The following LPP variants were observed in gnomAD, a reference collection of about 807,000 sequenced individuals.
LPP encodes LIM domain containing preferred translocation partner in lipoma.
LPP carries 38 observed loss-of-function variants against 60.4 expected under a neutral mutation model. The ratio of observed to expected loss-of-function variants is 0.63; its 90% CI spans 0.49 to 0.83. LPP has a LOEUF of 0.83. LPP is among the 40% of genes least tolerant of loss of function. The pLI, the probability that LPP is intolerant of heterozygous loss-of-function variation, is 0.00. For synonymous variants in LPP, 328 were observed against 290.8 expected (o/e 1.13, Z -1.30); for missense variants, 902 against 783.6 (o/e 1.15, Z -1.80).
At chr3:188,627,935 A>G (rs1447964256) in intron 7 of LPP, among the ~76,000 whole-genome samples, 1 of 152,158 alleles carries the variant, frequency 6.6e-6, no homozygotes, top group Non-Finnish European at 1.5e-5. Context: ...ACAGTGCAAT[A>G]AAAATATAAA....
Position 188,687,775 on chromosome 3 carries a change from C to CTTTTTTTT in LPP, c.1114-20482_1114-20475dup, listed in dbSNP as rs61574227. On this transcript the variant is annotated intron_variant, in intron 7 of 11. Transcript: ENST00000617246. ...CCTGTCTAACCAGCTGTCTTATACT[C>CTTTTTTTT]TTTTTTTTTTTTTTTTTGAGATGAA... Among the ~76,000 whole-genome samples the CTTTTTTTT allele has an allele frequency of 6.6e-4, 84 of 127,126 alleles. 1 individual carries two copies. The highest frequency in any genetic ancestry group is 2.1e-3 in the African/African-American group (72 of 33,862). The allele number at this position is 127,126 out of a possible 152,430, so 83.4% of individuals were successfully genotyped here.
intron 2 of LPP, among the ~76,000 whole-genome samples, chr3:188,279,160 A>G (rs1159774537): frequency 6.6e-6 from 1 of 152,188 alleles, no homozygotes; most frequent in Non-Finnish European, 1.5e-5. Flanking sequence ...TTCAGCTCCT[A>G]AAGTCTCCAA....
chr3:188,239,116 C>T (rs578027609), intron 2 of LPP, among the ~76,000 whole-genome samples: 1 of 152,334 alleles, frequency 6.6e-6, no homozygotes, highest in Non-Finnish European at 1.5e-5. Context: ...TGGTGTGCAG[C>T]TTTGAACAAG....
intron 6 of LPP, among the ~76,000 whole-genome samples, chr3:188,599,848 G>A (rs1248966042): frequency 6.6e-6 from 1 of 150,576 alleles, no homozygotes; most frequent in African/African-American, 2.4e-5. Flanking sequence ...TATATTGGCA[G>A]CAATGTTTTG....
At chr3:188,865,055 C>T (rs1400406566) in intron 9 of LPP, among the ~76,000 whole-genome samples, 1 of 152,178 alleles carries the variant, frequency 6.6e-6, no homozygotes, top group Non-Finnish European at 1.5e-5. Context: ...TTCCACATCC[C>T]ATTCAGTTCT....
intron 1 of LPP, among the ~76,000 whole-genome samples, chr3:188,190,765 A>G (rs933022524): frequency 1.6e-4 from 25 of 152,220 alleles, no homozygotes; most frequent in Non-Finnish European, 2.9e-4. Context: ...GCTCTAGAGT[A>G]AGATTCTTGA....
chr3:188,434,319 T>A (rs543183435), intron 4 of LPP, among the ~76,000 whole-genome samples: 47 of 152,260 alleles, frequency 3.1e-4, no homozygotes, highest in African/African-American at 1.1e-3. Flanking sequence ...ATATATATAT[T>A]TTTTCATATA....
intron 2 of LPP, among the ~76,000 whole-genome samples, chr3:188,306,089 TA>T (rs945732541): frequency 2.0e-5 from 3 of 152,194 alleles, no homozygotes; most frequent in Non-Finnish European, 2.9e-5. Flanking sequence ...TCTTTTCTTT[TA>T]TTTTTTTTGA....
chr3:188,824,306 C>T (rs1754792667), intron 9 of LPP, among the ~76,000 whole-genome samples: 1 of 152,168 alleles, frequency 6.6e-6, no homozygotes, highest in Non-Finnish European at 1.5e-5. Flanking sequence ...TGATGTAGCA[C>T]TGGACTGTGC....
chr3:188,378,880 A>T (rs1020079609), intron 3 of LPP, among the ~76,000 whole-genome samples: 2 of 151,974 alleles, frequency 1.3e-5, no homozygotes, highest in African/African-American at 4.8e-5. Context: ...CAGACATATC[A>T]TTTTCATTCC....
chr3:188,553,233 A>G (rs1371073611), intron 6 of LPP, among the ~76,000 whole-genome samples: 2 of 152,162 alleles, frequency 1.3e-5, no homozygotes, highest in African/African-American at 4.8e-5. Flanking sequence ...CCATGTACCT[A>G]TCATTATTTT....
chr3:188,291,302 A>G (rs957275920), intron 2 of LPP, among the ~76,000 whole-genome samples: 1 of 152,200 alleles, frequency 6.6e-6, no homozygotes, highest in African/African-American at 2.4e-5. Flanking sequence ...AAATATAAAC[A>G]GAAAGGCTAA....
chr3:188,521,893 T>G (rs1818972102), intron 5 of LPP, among the ~76,000 whole-genome samples: 1 of 152,198 alleles, frequency 6.6e-6, no homozygotes, highest in Non-Finnish European at 1.5e-5. Context: ...TACTATAATA[T>G]TTTATATCTG....
chr3:188,594,429 C>A (rs1839585486), intron 6 of LPP, among the ~76,000 whole-genome samples: 1 of 152,144 alleles, frequency 6.6e-6, no homozygotes, highest in African/African-American at 2.4e-5. Flanking sequence ...CAGTGGAGCG[C>A]TGTGTTCCAA....
rs937654438 is a variant in LPP at position 188,610,770 on chromosome 3, G to A, written c.1113+926G>A. Among the ~76,000 whole-genome samples, 4 of 152,114 alleles carry A rather than the reference G, an allele frequency of 2.6e-5. No homozygotes were observed. The highest frequency in any genetic ancestry group is 9.7e-5 in the African/African-American group (4 of 41,426). The stretch of plus-strand genomic sequence containing the variant: ...ATGTTGATTCCTCCCATTATGACTA[G>A]AGGAACCAATAAGAATAACTTGGAA... On this transcript the variant is annotated intron_variant, in intron 7 of 11. Transcript: ENST00000617246. The surrounding 1 kb of genome is among the most constrained non-coding windows in gnomAD (Gnocchi z 4.4).
At chr3:188,318,218 T>C (rs952505581) in intron 2 of LPP, among the ~76,000 whole-genome samples, 2 of 152,202 alleles carry the variant, frequency 1.3e-5, no homozygotes, top group African/African-American at 4.8e-5. Context: ...GCCTTGCTTT[T>C]TAATTTTAGG....
At chr3:188,740,557 C>T (rs1403215854) in intron 8 of LPP, among the ~76,000 whole-genome samples, 1 of 151,960 alleles carries the variant, frequency 6.6e-6, no homozygotes, top group Non-Finnish European at 1.5e-5. Context: ...GTGCTTTATA[C>T]TTCAGAACCT....
At chr3:188,163,294 G>A (rs1349691160) in intron 1 of LPP, among the ~76,000 whole-genome samples, 1 of 152,148 alleles carries the variant, frequency 6.6e-6, no homozygotes, top group Non-Finnish European at 1.5e-5. Flanking sequence ...CCTTTCATGG[G>A]CTGGATAAGC....
intron 9 of LPP, among the ~76,000 whole-genome samples, chr3:188,772,957 CT>C (rs1428374987): frequency 6.6e-6 from 1 of 152,040 alleles, no homozygotes; most frequent in East Asian, 1.9e-4. Context: ...CTCTGAGAGA[CT>C]ATGAACAGAG....
Sources: gnomAD v4.1 joint callset for allele counts (sites outside exome capture counted in the v4.1 genomes callset) on GRCh38, gnomAD v4.1.1 for gene constraint, Gnocchi (gnomAD v3.1) non-coding constraint, MANE v1.5 for transcripts, NCBI Gene and HGNC (gene_info 2026-07-23, HGNC 2026-07-21) for gene names.